PPFIBP2: variants seen among roughly 807,000 people sequenced by gnomAD.
PPFIBP2 encodes the protein liprin-beta-2.
PPFIBP2 carries 118 observed loss-of-function variants against 118.3 expected under a neutral mutation model. The observed-to-expected ratio is 1.00, with a 90% CI of 0.86 to 1.16. The LOEUF (loss-of-function observed/expected upper bound fraction) is 1.16, where lower values mean the gene tolerates loss of function less well. PPFIBP2 is among the 50% of genes most tolerant of loss of function. The probability of loss-of-function intolerance (pLI) is 0.00; values close to 1 mark genes in which losing one functional copy is unlikely to be tolerated. For synonymous variants in PPFIBP2, 414 were observed against 397.4 expected, an observed-to-expected ratio of 1.04 and a Z score of -0.50; for missense variants, 1,195 against 1,073.1, an observed-to-expected ratio of 1.11 and a Z score of -1.59.
intron 7 of PPFIBP2, 114 bp downstream of exon 7, chr11:7,621,141 C>T (rs1849303671): frequency 1.3e-6 from 1 of 756,126 alleles, no homozygotes; most frequent in Non-Finnish European, 2.3e-6. Context: ...ATCAACCCTC[C>T]AGTGTGGACA....
rs139164196 is a variant in PPFIBP2, at chr11:7,637,401, G to C, written c.1236+1808G>C. Reference sequence around the variant, plus strand: ...TCTCCTTATCCACTGTCCGCTGTGTGCTAGGCCCTGTGGATATGTTATTTC... The same window carrying C: ...TCTCCTTATCCACTGTCCGCTGTGTCCTAGGCCCTGTGGATATGTTATTTC... On this transcript the variant is annotated intron_variant, in intron 14 of 23. Coordinates refer to ENST00000299492, the MANE Select transcript of PPFIBP2 (RefSeq NM_003621.5). Among the ~76,000 whole-genome samples the C allele has an allele frequency of 4.3e-3, 653 of 152,310 alleles. 3 individuals are homozygous for C. The highest frequency in any genetic ancestry group is 0.015 in the African/African-American group (612 of 41,566).
At chr11:7,537,820 C>T (rs149062204) in intron 1 of PPFIBP2, among the ~76,000 whole-genome samples, 3 of 152,244 alleles carry the variant, frequency 2.0e-5, no homozygotes, top group African/African-American at 4.8e-5. Context: ...CTGCCCTCCC[C>T]GCTCCCCACT....
intron 1 of PPFIBP2, among the ~76,000 whole-genome samples, chr11:7,529,475 G>A (rs576347048): frequency 2.6e-5 from 4 of 152,218 alleles, no homozygotes; most frequent in Admixed American, 6.5e-5. Context: ...GAGAATAACC[G>A]GGAGGCCTTT....
intron 14 of PPFIBP2, among the ~76,000 whole-genome samples, chr11:7,637,672 G>A (rs1851625327): frequency 6.6e-6 from 1 of 152,252 alleles, no homozygotes; most frequent in Non-Finnish European, 1.5e-5. Flanking sequence ...AGGAGAAACA[G>A]AACTGGAGTT....
At chr11:7,610,531 T>C (rs967737896) in intron 6 of PPFIBP2, 109 bp downstream of exon 6, 1 of 1,436,016 alleles carries the variant, frequency 7.0e-7, no homozygotes, top group Non-Finnish European at 9.5e-7. Flanking sequence ...GTGCCAGAAA[T>C]ATCTATACAC....
intron 6 of PPFIBP2, among the ~76,000 whole-genome samples, chr11:7,614,355 T>G (rs1361731238): frequency 1.3e-5 from 2 of 152,256 alleles, no homozygotes; most frequent in Non-Finnish European, 2.9e-5. Context: ...ACACTTTCCC[T>G]CATTTTTATA....
chr11:7,651,880 T>TGCC lies in PPFIBP2; in HGVS notation c.2436+37_2436+39dup, dbSNP rs571994247. On this transcript the variant is annotated intron_variant, in intron 23 of 23. Transcript: ENST00000299492. ...GAGCCTTTCTGGGTGGGCCCTGGGC[T>TGCC]GCCTCCTGGCCCTCACGCAGCACAG... 9,094 of 1,574,214 alleles carry TGCC rather than the reference T, an allele frequency of 5.8e-3. 31 individuals are homozygous for TGCC. The highest frequency in any genetic ancestry group is 0.014 in the Middle Eastern group (74 of 5,366).
rs531770344 is a variant in PPFIBP2 at position 7,556,178 on chromosome 11, A to G, written c.64+6639A>G. Among the ~76,000 whole-genome samples the G allele has an allele frequency of 7.2e-5, 11 of 152,340 alleles. No individual in the cohort carries two copies. The Middle Eastern group carries it at 0.01, about 141-fold the overall frequency. ...GATTAAATTTCTTTATAAGACGGCC[A>G]GGTGCAGTGGCTAACGCTTGTAATC... is the stretch of plus-strand genomic sequence containing the variant. On this transcript the variant is annotated intron_variant, in intron 2 of 23. Transcript: ENST00000299492.
intron 5 of PPFIBP2, among the ~76,000 whole-genome samples, chr11:7,600,348 A>G (rs887251686): frequency 6.6e-6 from 1 of 152,182 alleles, no homozygotes; most frequent in African/African-American, 2.4e-5. Flanking sequence ...GCTTTCCTGA[A>G]GTCTGTTTGA....
chr11:7,646,173 A>G (rs539000699), intron 17 of PPFIBP2, among the ~76,000 whole-genome samples: 2 of 152,352 alleles, frequency 1.3e-5, no homozygotes, highest in Admixed American at 6.5e-5. Flanking sequence ...CTGAGTTTAC[A>G]TGATGTACTG....
chr11:7,537,857 C>T (rs1304664017), intron 1 of PPFIBP2, among the ~76,000 whole-genome samples: 3 of 152,128 alleles, frequency 2.0e-5, no homozygotes, highest in African/African-American at 7.2e-5. Context: ...TGTTGGAGTA[C>T]CTGCACTGTT....
At chr11:7,657,328 G>A (rs577298810), downstream of PPFIBP2, among the ~76,000 whole-genome samples, 2 of 152,290 alleles carry the variant, frequency 1.3e-5, no homozygotes, top group Non-Finnish European at 2.9e-5. Flanking sequence ...TTTAGGGTAT[G>A]AGCGGGTAAA....
At chr11:7,546,631 A>T (rs7121577) in intron 1 of PPFIBP2, among the ~76,000 whole-genome samples, 39,200 of 152,170 alleles carry the variant, frequency 0.26, 5,340 homozygotes, top group African/African-American at 0.35. Flanking sequence ...CTTGTACTGC[A>T]TATGTGAATT....
At position 7,631,004 on chromosome 11, in the gene PPFIBP2, C is replaced by A; in HGVS notation, c.1044C>A (p.Asp348Glu). 1.2e-6 allele frequency: 2 copies of A among 1,613,442 alleles called. No individual in the cohort carries two copies. Among genetic ancestry groups the A allele is most frequent in the East Asian group, 2.2e-5 (1 of 44,874 alleles). ...GCAAGTGGAACGCTACAAATAAGGA[C>A]CCTGAAGAATTATTTAAACAAGAGG... ...GFSKWNATNK[D>E]PEELFKQEMP... is the part of the protein sequence containing the mutation. The change falls in exon 11 of 24, where the codon GAC (aspartate) becomes GAA (glutamate). Residue 348 changes from aspartate (D) to glutamate (E), a missense_variant. Physicochemically the swap from Asp to Glu is conservative, Grantham distance 45. Transcript: ENST00000299492.
chr11:7,651,936 C>CATGCGCA, intron 23 of PPFIBP2, 92 bp downstream of exon 23: 2 of 1,220,316 alleles, frequency 1.6e-6, no homozygotes. Flanking sequence ...GCCAGAGCAG[C>CATGCGCA]ATGCGCAGCC....
At chr11:7,590,474 G>A (rs907829560) in intron 3 of PPFIBP2, among the ~76,000 whole-genome samples, 18 of 152,158 alleles carry the variant, frequency 1.2e-4, no homozygotes, top group African/African-American at 4.3e-4. Flanking sequence ...GCACACCACT[G>A]CTGTATGGAC....
At position 7,630,007 on chromosome 11, in the gene PPFIBP2, G is replaced by A. The variant is rs181765619; in HGVS notation, c.964+473G>A. Reference sequence around the variant, plus strand: ...AGTTGCTATAGGAAGTCACAGGACAGAGAGAGCTGCTGTGTTTTATATTTG... The same window carrying A: ...AGTTGCTATAGGAAGTCACAGGACAAAGAGAGCTGCTGTGTTTTATATTTG... On this transcript the variant is annotated intron_variant, in intron 10 of 23. Transcript: ENST00000299492. Among the ~76,000 whole-genome samples the A allele has an allele frequency of 1.6e-4, 24 of 152,362 alleles. No individual in the cohort carries two copies. The East Asian group carries it at 4.4e-3, about 28-fold the overall frequency.
intron 6 of PPFIBP2, among the ~76,000 whole-genome samples, chr11:7,613,497 A>G (rs745885443): frequency 6.6e-6 from 1 of 152,192 alleles, no homozygotes; most frequent in African/African-American, 2.4e-5. Flanking sequence ...ACCTTTTCTC[A>G]TCAGCCTTTT....
intron 1 of PPFIBP2, among the ~76,000 whole-genome samples, chr11:7,522,774 G>A (rs1335703159): frequency 1.3e-5 from 2 of 152,180 alleles, no homozygotes; most frequent in East Asian, 3.9e-4. Context: ...TGGCCTAGCT[G>A]TATGTGGGGC....
Sources: gnomAD v4.1 joint callset for allele counts (sites outside exome capture counted in the v4.1 genomes callset) on GRCh38, gnomAD v4.1.1 for gene constraint, MANE v1.5 for transcripts, NCBI Gene and HGNC (gene_info 2026-07-23, HGNC 2026-07-21) for gene names.